The following BFSP1 variants were observed in gnomAD, a reference collection of about 807,000 sequenced individuals.
BFSP1 encodes the protein filensin.
BFSP1 carries 38 observed loss-of-function variants against 43.9 expected under a neutral mutation model. That is an observed-to-expected ratio of 0.87 (90% confidence interval 0.67 to 1.14). The LOEUF (loss-of-function observed/expected upper bound fraction) is 1.14. BFSP1 is among the 50% of genes most tolerant of loss of function. The pLI is 0.00. For synonymous variants in BFSP1, 352 were observed against 354.8 expected (o/e 0.99, Z 0.09); for missense variants, 850 against 875.1 (o/e 0.97, Z 0.36).
intron 1 of BFSP1, among the ~76,000 whole-genome samples, chr20:17,527,900 T>C (rs1600664621): frequency 1.3e-5 from 2 of 152,326 alleles, no homozygotes; most frequent in South Asian, 4.1e-4. Flanking sequence ...GACTCTGTTG[T>C]TGTATTTTGA....
intron 4 of BFSP1, 81 bp from the exon 5 acceptor site, chr20:17,509,077 A>G (rs529028481): frequency 9.5e-7 from 1 of 1,047,980 alleles, no homozygotes; most frequent in South Asian, 1.9e-5. Context: ...CCTGGTATGG[A>G]CGGAATATCC....
At chr20:17,549,639 C>T (rs149620557) in intron 1 of BFSP1, among the ~76,000 whole-genome samples, 2,004 of 152,144 alleles carry the variant, frequency 0.013, 39 homozygotes, top group East Asian at 0.083. Context: ...AGTTCGAGAC[C>T]AGCCTGGGAA....
intron 1 of BFSP1, among the ~76,000 whole-genome samples, chr20:17,566,458 G>A (rs865875145): frequency 3.5e-4 from 54 of 152,294 alleles, no homozygotes; most frequent in Middle Eastern, 3.4e-3. Context: ...GTCTTAGTCT[G>A]TTCAGGCTGC....
chr20:17,512,398 G>A (rs2034106020), intron 3 of BFSP1, among the ~76,000 whole-genome samples: 1 of 134,206 alleles, frequency 7.5e-6, no homozygotes, highest in African/African-American at 2.7e-5. Flanking sequence ...CCTGGGTGGC[G>A]GAGGCACAAA....
chr20:17,567,482 C>T (rs1313616878), intron 1 of BFSP1, among the ~76,000 whole-genome samples: 3 of 152,060 alleles, frequency 2.0e-5, no homozygotes, highest in Admixed American at 6.6e-5. Flanking sequence ...GCATCTGCAT[C>T]TCCTGGGGCC....
At chr20:17,530,913 C>T in intron 1 of BFSP1, 40 bp downstream of exon 1, 1 of 1,367,152 alleles carries the variant, frequency 7.3e-7, no homozygotes, top group East Asian at 3.1e-5. Flanking sequence ...CCGGGACGGC[C>T]CACGCCCTGC....
rs371024985 is a variant in BFSP1, at chr20:17,498,814, G to T, written c.956+6C>A. The stretch of plus-strand genomic sequence containing the variant: ...AGTGGCCTGGATGGGGAGGGCACAC[G>T]CTCACCTGTTGCCTTCAATCTCGAT... On this transcript the variant is annotated splice_donor_region_variant and intron_variant, in intron 6 of 7. Transcript: ENST00000377873. The T allele has an allele frequency of 1.9e-6, 3 of 1,611,432 alleles. No homozygotes were observed. The highest frequency in any genetic ancestry group is 1.7e-5 in the Admixed American group (1 of 59,872).
intron 1 of BFSP1, among the ~76,000 whole-genome samples, chr20:17,553,858 T>TACACATATATATACATATATATATATAC (rs1223203115): frequency 1.4e-5 from 1 of 70,842 alleles, no homozygotes; most frequent in African/African-American, 9.1e-5. Flanking sequence ...TACATATATA[T>TACACATATATATACATATATATATATAC]ACACATATAT....
At chr20:17,564,185 C>T (rs2035094659) in intron 1 of BFSP1, among the ~76,000 whole-genome samples, 1 of 151,856 alleles carries the variant, frequency 6.6e-6, no homozygotes, top group Non-Finnish European at 1.5e-5. Flanking sequence ...CAGACACACA[C>T]ACACACACAG....
At chr20:17,512,913 T>C (rs925153534) in intron 3 of BFSP1, among the ~76,000 whole-genome samples, 28 of 152,158 alleles carry the variant, frequency 1.8e-4, no homozygotes, top group African/African-American at 6.5e-4. Flanking sequence ...TCTGTAGGGA[T>C]GCTGATCCCC....
At chr20:17,509,906 C>T (rs1659434523) in intron 4 of BFSP1, among the ~76,000 whole-genome samples, 1 of 152,200 alleles carries the variant, frequency 6.6e-6, no homozygotes, top group African/African-American at 2.4e-5. Flanking sequence ...AAGAGCCATG[C>T]ATTCTGACAC....
rs964462179 is a variant in BFSP1, at chr20:17,531,194, C to A, written c.136G>T (p.Gly46Trp). The A allele has an allele frequency of 9.2e-6, 12 of 1,304,588 alleles. No homozygotes were observed. The Admixed American group carries it at 4.6e-4, about 50-fold the overall frequency. 80.8% of individuals were successfully genotyped at this position (1,304,588 alleles called of 1,614,324 possible). A position where few individuals can be genotyped will look rare whatever the true frequency, so the allele number is the denominator to read the frequency against. Residue 46 changes from glycine to tryptophan, a missense_variant, in exon 1 of 8, where the codon GGG becomes TGG. Coordinates refer to ENST00000377873, the MANE Select transcript of BFSP1 (RefSeq NM_001195.5). ...TGGGCGGCCACGCGCTCGCCGAGCC[C>A]CTGCAGCGCCGCCAGGCTCGTTGCC... is the stretch of plus-strand genomic sequence containing the variant. ...AGATSLAALQ[G>W]LGERVAAHVQ...
upstream of BFSP1, among the ~76,000 whole-genome samples, chr20:17,562,124 G>A (rs185930052): frequency 2.6e-4 from 39 of 151,808 alleles, no homozygotes; most frequent in East Asian, 6.7e-3. Context: ...GTTTCACTAT[G>A]TTGGCCAGAC....
intron 1 of BFSP1, among the ~76,000 whole-genome samples, chr20:17,548,223 C>T (rs2034840359): frequency 7.0e-6 from 1 of 142,382 alleles, no homozygotes; most frequent in African/African-American, 2.6e-5. Context: ...AAACGACAGA[C>T]AAGGCTAGAA....
intron 7 of BFSP1, among the ~76,000 whole-genome samples, chr20:17,496,423 C>A (rs1297883110): frequency 6.6e-6 from 1 of 152,208 alleles, no homozygotes; most frequent in African/African-American, 2.4e-5. Flanking sequence ...CATTTACCAG[C>A]CAAGCTGTTT....
intron 5 of BFSP1, among the ~76,000 whole-genome samples, chr20:17,508,225 G>A (rs2033986535): frequency 7.4e-6 from 1 of 134,470 alleles, no homozygotes; most frequent in African/African-American, 2.9e-5. Context: ...AGGGTAATGA[G>A]AAAGAGAGAG....
At chr20:17,517,221 G>A (rs1258141890) in intron 2 of BFSP1, 8 of 936,328 alleles carry the variant, frequency 8.5e-6, no homozygotes, top group Non-Finnish European at 1.4e-5. Context: ...TGAATGTGGT[G>A]CTGGAGTGTT....
intron 2 of BFSP1, among the ~76,000 whole-genome samples, chr20:17,522,243 C>T (rs1356020289): frequency 3.3e-5 from 5 of 152,188 alleles, no homozygotes; most frequent in East Asian, 1.9e-4. Flanking sequence ...ACACTTACCA[C>T]GGCTGAGCTG....
At chr20:17,519,845 C>A (rs1438378644) in intron 2 of BFSP1, among the ~76,000 whole-genome samples, 1 of 152,228 alleles carries the variant, frequency 6.6e-6, no homozygotes, top group African/African-American at 2.4e-5. Context: ...GAATGTACAG[C>A]TGCTGATACG....
Sources: allele counts gnomAD v4.1 joint callset (sites outside exome capture counted in the v4.1 genomes callset), GRCh38; gene constraint gnomAD v4.1.1; transcripts MANE v1.5; gene names NCBI Gene and HGNC (gene_info 2026-07-23, HGNC 2026-07-21).